The following IPO9 variants were observed in gnomAD, a reference collection of about 807,000 sequenced individuals.
IPO9 encodes importin 9, also known as importin-9.
A neutral mutation model predicts 128.6 loss-of-function variants in IPO9; 28 were observed. The ratio of observed to expected loss-of-function variants is 0.22; its 90% confidence interval spans 0.16 to 0.30. IPO9 has a LOEUF of 0.30. Ranked by LOEUF, IPO9 falls within the 10% of genes least tolerant of loss-of-function variation. The pLI, the probability that IPO9 is intolerant of heterozygous loss-of-function variation, is 1.00. For missense variants in IPO9, 935 were observed against 1,293.9 expected, an observed-to-expected ratio of 0.72 and a Z score of 4.26; for synonymous variants, 455 against 475.8, an observed-to-expected ratio of 0.96 and a Z score of 0.57.
chr1:201,873,659 A>G (rs908769497), intron 20 of IPO9, among the ~76,000 whole-genome samples: 24 of 152,102 alleles, frequency 1.6e-4, no homozygotes, highest in Admixed American at 5.9e-4. Context: ...AGGCAGGAGA[A>G]TCGCTTGAAC....
At chr1:201,831,456 T>G (rs2102865263) in intron 1 of IPO9, among the ~76,000 whole-genome samples, 1 of 152,288 alleles carries the variant, frequency 6.6e-6, no homozygotes, top group South Asian at 2.1e-4. Flanking sequence ...CTTGTGTCTT[T>G]TAAGTAGTCT....
chr1:201,882,258 C>CG lies in IPO9; in HGVS notation c.*6205dup, dbSNP rs1459016509. ...CAGCCTGGCCAGCATGGTGAAACCC[C>CG]GTCTCTACTAAAAATACAAAAAAAT... On this transcript the variant is annotated 3_prime_UTR_variant, in exon 24 of 24. Coordinates refer to ENST00000361565, the MANE Select transcript of IPO9 (RefSeq NM_018085.5). 6.6e-6 allele frequency: 1 copy of CG among 151,838 alleles called. No individual in the cohort carries two copies. Among genetic ancestry groups the CG allele is most frequent in the African/African-American group, 2.4e-5 (1 of 41,310 alleles). The allele number at this position is 151,838 out of a possible 1,614,324, so 9.4% of individuals were successfully genotyped here.
At chr1:201,863,028 TA>T (rs1472606649) in intron 13 of IPO9, among the ~76,000 whole-genome samples, 1 of 151,992 alleles carries the variant, frequency 6.6e-6, no homozygotes, top group Non-Finnish European at 1.5e-5. Flanking sequence ...TTGTACATAT[TA>T]TGTAGCATCT....
chr1:201,860,943 G>A (rs903547508), intron 13 of IPO9, among the ~76,000 whole-genome samples: 5 of 152,044 alleles, frequency 3.3e-5, no homozygotes, highest in African/African-American at 9.7e-5. Context: ...TGAGGTGGGC[G>A]GATCATGAGG....
At chr1:201,832,253 A>G (rs1679849451) in intron 1 of IPO9, among the ~76,000 whole-genome samples, 1 of 131,304 alleles carries the variant, frequency 7.6e-6, no homozygotes, top group African/African-American at 3.0e-5. Context: ...ATTCTAGGAA[A>G]CACTTTTTTT....
chr1:201,850,391 A>C (rs1680192382), intron 4 of IPO9: 1 of 152,230 alleles, frequency 6.6e-6, no homozygotes, highest in African/African-American at 2.4e-5. Flanking sequence ...GAGTTTTTCA[A>C]GATACTATAC....
Position 201,858,485 on chromosome 1 carries a change from C to G in IPO9, c.1260C>G (p.Ala420=). ...ATDFQNESAA[A]LAAAATRHLQ... The stretch of plus-strand genomic sequence containing the variant: ...ATTTCCAGAATGAAAGTGCAGCAGC[C>G]CTGGCTGCTGCAGCCACTCGACATT... Residue 420 remains alanine, a synonymous_variant, in exon 12 of 24, where the codon GCC becomes GCG. Transcript: ENST00000361565. The G allele has an allele frequency of 6.3e-7, 1 of 1,596,636 alleles. No homozygotes were observed. Among genetic ancestry groups the G allele is most frequent in the Middle Eastern group, 1.7e-4 (1 of 5,984 alleles).
At chr1:201,874,154 G>A in intron 20 of IPO9, 96 bp from the exon 21 acceptor site, 4 of 1,317,232 alleles carry the variant, frequency 3.0e-6, no homozygotes, top group South Asian at 2.7e-5. Flanking sequence ...CTGAGGGGTG[G>A]TGAACTCTGG....
At chr1:201,864,112 C>A (rs775050145) in intron 14 of IPO9, among the ~76,000 whole-genome samples, 13 of 152,082 alleles carry the variant, frequency 8.5e-5, no homozygotes, top group Non-Finnish European at 1.8e-4. Flanking sequence ...ACTAGAAGGA[C>A]CATTGTTGTT....
In IPO9 at chr1:201,883,179, C is replaced by CT. The variant is rs917316701; in HGVS notation, c.*7125_*7126insT. 1 of 149,008 alleles carries CT rather than the reference C, an allele frequency of 6.7e-6. No homozygotes were observed. The highest frequency in any genetic ancestry group is 2.5e-5 in the African/African-American group (1 of 40,640). The allele number at this position is 149,008 out of a possible 1,614,324, so 9.2% of individuals were successfully genotyped here. ...ATTTGCTTTCACTAGATTCCCCCCCCCCCAACAACTTAGTCCAAGAACATA... is the reference window on the plus strand; with the variant it reads ...ATTTGCTTTCACTAGATTCCCCCCCCTCCCAACAACTTAGTCCAAGAACATA... On this transcript the variant is annotated 3_prime_UTR_variant, in exon 24 of 24. Coordinates refer to ENST00000361565, the MANE Select transcript of IPO9 (RefSeq NM_018085.5).
chr1:201,855,751 C>A, intron 9 of IPO9, 32 bp from the exon 10 acceptor site: 3 of 1,586,202 alleles, frequency 1.9e-6, no homozygotes, highest in Non-Finnish European at 2.6e-6. Context: ...GCTTTCTTGT[C>A]ATTAATTTCT....
rs371126973 is a variant in IPO9 at position 201,880,128 on chromosome 1, A to G, written c.*4074A>G. 6.6e-6 allele frequency: 1 copy of G among 152,324 alleles called. No homozygotes were observed. Among genetic ancestry groups the G allele is most frequent in the African/African-American group, 2.4e-5 (1 of 41,568 alleles). 9.4% of individuals were successfully genotyped at this position (152,324 alleles called of 1,614,324 possible). A position where few individuals can be genotyped will look rare whatever the true frequency, so the allele number is the denominator to read the frequency against. On this transcript the variant is annotated 3_prime_UTR_variant, in exon 24 of 24. Coordinates refer to ENST00000361565, the MANE Select transcript of IPO9 (RefSeq NM_018085.5). Reference sequence around the variant, plus strand: ...TTTAGGAGGCTGAGGAGGGCAGATCACTTAAGCCCAAGAGTTTGAGACCAG... The same window carrying G: ...TTTAGGAGGCTGAGGAGGGCAGATCGCTTAAGCCCAAGAGTTTGAGACCAG...
At chr1:201,859,444 T>C (rs1430496126) in intron 13 of IPO9, among the ~76,000 whole-genome samples, 3 of 151,926 alleles carry the variant, frequency 2.0e-5, no homozygotes, top group Non-Finnish European at 4.4e-5. Context: ...TTCCCATTCA[T>C]GGTTGTTTTT....
At chr1:201,849,613 G>A (rs2102875493) in intron 4 of IPO9, among the ~76,000 whole-genome samples, 1 of 152,256 alleles carries the variant, frequency 6.6e-6, no homozygotes, top group African/African-American at 2.4e-5. Context: ...TGGCACATAG[G>A]CCCAATTTTG....
Position 201,858,969 on chromosome 1 carries a change from C to G in IPO9, c.1443C>G (p.Val481=). 6.2e-7 allele frequency: 1 copy of G among 1,611,380 alleles called. No individual in the cohort carries two copies. The highest frequency in any genetic ancestry group is 2.2e-5 in the East Asian group (1 of 44,776). ...HFDMHGFLTN[V]ILADLNLSVS... ...ACATGCATGGGTTCCTGACCAATGT[C>G]ATCCTTGCAGACCTCAACCTCTCAG... The change falls in exon 13 of 24, where the codon GTC becomes GTG. Residue 481 remains valine, a synonymous_variant. Transcript: ENST00000361565.
chr1:201,870,944 A>C lies in IPO9; in HGVS notation c.2409+86A>C. On this transcript the variant is annotated intron_variant, in intron 18 of 23. Coordinates refer to ENST00000361565, the MANE Select transcript of IPO9 (RefSeq NM_018085.5). This position sits in a 1 kb window ranked among gnomAD's most constrained non-coding sequence, Gnocchi z 4.9. The stretch of plus-strand genomic sequence containing the variant: ...TTTTGGTCCTGAGTTATTTTATTTT[A>C]CCCTCTTACTAGCCTTGTAGGACAG... The C allele has an allele frequency of 1.2e-6, 1 of 803,762 alleles. No homozygotes were observed. The allele number at this position is 803,762 out of a possible 1,614,324, so 49.8% of individuals were successfully genotyped here. A position where few individuals can be genotyped will look rare whatever the true frequency, so the allele number is the denominator to read the frequency against.
At position 201,870,845 on chromosome 1, in the gene IPO9, T is replaced by C; in HGVS notation, c.2396T>C (p.Leu799Pro). Residue 799 changes from leucine to proline, a missense_variant, in exon 18 of 24, where the codon CTC (leucine) becomes CCC (proline). Coordinates refer to ENST00000361565, the MANE Select transcript of IPO9 (RefSeq NM_018085.5). The surrounding 1 kb of genome is among the most constrained non-coding windows in gnomAD (Gnocchi z 4.9). Reference sequence around the variant, plus strand: ...AGTAAGATGCAGCAGGCAGAGACGCTCAGTGTCATGCAGGTAAGAGAGCAG... The same window carrying C: ...AGTAAGATGCAGCAGGCAGAGACGCCCAGTGTCATGCAGGTAAGAGAGCAG... ...ILSKMQQAET[L>P]SVMQSLIMVF... The C allele has an allele frequency of 1.9e-6, 3 of 1,612,440 alleles. No homozygotes were observed. Among genetic ancestry groups the C allele is most frequent in the Non-Finnish European group, 2.5e-6 (3 of 1,179,010 alleles).
In IPO9 at chr1:201,879,089, T is replaced by G. The variant is rs1399442193; in HGVS notation, c.*3035T>G. ...ACTGAAAGGAAAATGGAAGGAATGC[T>G]ATAAGACTGAAAAGAAGTTAAAGCC... is the stretch of plus-strand genomic sequence containing the variant. On this transcript the variant is annotated 3_prime_UTR_variant, in exon 24 of 24. Coordinates refer to ENST00000361565, the MANE Select transcript of IPO9 (RefSeq NM_018085.5). The G allele has an allele frequency of 6.6e-6, 1 of 152,178 alleles. No homozygotes were observed. Among genetic ancestry groups the G allele is most frequent in the African/African-American group, 2.4e-5 (1 of 41,440 alleles). The allele number at this position is 152,178 out of a possible 1,614,324, so 9.4% of individuals were successfully genotyped here. A position where few individuals can be genotyped will look rare whatever the true frequency, so the allele number is the denominator to read the frequency against.
At chr1:201,858,025 T>G (rs1680366669) in intron 11 of IPO9, among the ~76,000 whole-genome samples, 1 of 152,214 alleles carries the variant, frequency 6.6e-6, no homozygotes, top group Non-Finnish European at 1.5e-5. Flanking sequence ...AGATTTGTTC[T>G]CTGTTGATGA....
Sources: gnomAD v4.1 joint callset for allele counts (sites outside exome capture counted in the v4.1 genomes callset) on GRCh38, gnomAD v4.1.1 for gene constraint, Gnocchi (gnomAD v3.1) non-coding constraint, MANE v1.5 for transcripts, NCBI Gene and HGNC (gene_info 2026-07-23, HGNC 2026-07-21) for gene names.